MKX: variants seen among roughly 807,000 people sequenced by gnomAD.
MKX encodes homeobox protein Mohawk.
A neutral mutation model predicts 36.0 loss-of-function variants in MKX; 13 were observed. The observed-to-expected ratio is 0.36, with a 90% CI of 0.24 to 0.57. The LOEUF is 0.57. MKX is among the 20% of genes least tolerant of loss of function. The pLI, the probability that MKX is intolerant of heterozygous loss-of-function variation, is 0.79. For synonymous variants in MKX, 176 were observed against 178.3 expected (o/e 0.99, Z 0.10); for missense variants, 458 against 456.4 (o/e 1.00, Z -0.03).
chr10:27,676,077 C>T (rs1470024034), intron 5 of MKX, among the ~76,000 whole-genome samples: 4 of 152,100 alleles, frequency 2.6e-5, no homozygotes, highest in Non-Finnish European at 5.9e-5. Context: ...CGAGACCAGC[C>T]TGCGCTACAT....
intron 5 of MKX, among the ~76,000 whole-genome samples, chr10:27,699,635 G>A (rs2815570): frequency 1.3e-5 from 2 of 152,000 alleles, no homozygotes. Flanking sequence ...AACAAAAAAG[G>A]CTTTCTTATA....
rs1834911966 is a variant in MKX at position 27,742,091 on chromosome 10, T to C, written c.189-587A>G. Among the ~76,000 whole-genome samples the C allele has an allele frequency of 6.6e-6, 1 of 152,144 alleles. No individual in the cohort carries two copies. Among genetic ancestry groups the C allele is most frequent in the Non-Finnish European group, 1.5e-5 (1 of 68,026 alleles). Reference sequence around the variant, plus strand: ...GGAAACTTTCTAAAGGAGTTGGTGGTTTGTGGAGGAAAGCTGCAGAACCCA... The same window carrying C: ...GGAAACTTTCTAAAGGAGTTGGTGGCTTGTGGAGGAAAGCTGCAGAACCCA... On this transcript the variant is annotated intron_variant, in intron 2 of 6. Transcript: ENST00000419761. The surrounding 1 kb of genome is among the most constrained non-coding windows in gnomAD (Gnocchi z 4.2).
chr10:27,694,942 C>T (rs976076482), intron 5 of MKX, among the ~76,000 whole-genome samples: 1 of 151,220 alleles, frequency 6.6e-6, no homozygotes, highest in African/African-American at 2.4e-5. Flanking sequence ...TGCAAGAGTC[C>T]CAAGCTCCTG....
chr10:27,691,627 G>C (rs1220273351), intron 5 of MKX, among the ~76,000 whole-genome samples: 1 of 152,108 alleles, frequency 6.6e-6, no homozygotes, highest in Non-Finnish European at 1.5e-5. Context: ...GTGATGCTGA[G>C]GTTTGGGGTA....
At position 27,737,441 on chromosome 10, in the gene MKX, G is replaced by T. The variant is rs981302803; in HGVS notation, c.349-2067C>A. 5.3e-5 allele frequency among the ~76,000 whole-genome samples: 8 copies of T among 152,060 alleles called. 1 individual carries two copies. The highest frequency in any genetic ancestry group is 1.7e-4 in the African/African-American group (7 of 41,422). ...ACAGTGGAAGAGGGCCTGGCTTCCTGTTCTGAATTTGCCAAAAACATGCTG... is the reference window on the plus strand; with the variant it reads ...ACAGTGGAAGAGGGCCTGGCTTCCTTTTCTGAATTTGCCAAAAACATGCTG... On this transcript the variant is annotated intron_variant, in intron 3 of 6. Transcript: ENST00000419761.
rs761382120 is a variant in MKX, at chr10:27,734,835, TC to T, written c.503-45del. On this transcript the variant is annotated intron_variant, in intron 4 of 6. Transcript: ENST00000419761. ...ACTAAGTAGGGTGGTATGCATACTT[TC>T]CCCCAGCCACCCAACTCTTATATTT... 5 of 1,289,184 alleles carry T rather than the reference TC, an allele frequency of 3.9e-6. No individual in the cohort carries two copies. In the East Asian group the frequency reaches 1.2e-4, roughly 31 times the overall value. The allele number at this position is 1,289,184 out of a possible 1,614,324, so 79.9% of individuals were successfully genotyped here.
rs2815556 is a variant in MKX at position 27,685,319 on chromosome 10, A to G, written c.839-9765T>C. Among the ~76,000 whole-genome samples the G allele has an allele frequency of 9.0e-3, 1,366 of 152,332 alleles. 9 individuals carry two copies. Among genetic ancestry groups the G allele is most frequent in the Middle Eastern group, 0.034 (10 of 294 alleles). ...TTTGCTAGGATATTAGACCACAAAG[A>G]GACCAAAACCAGATTTTTTTCTCCT... On this transcript the variant is annotated intron_variant, in intron 5 of 6. Coordinates refer to ENST00000419761, the MANE Select transcript of MKX (RefSeq NM_173576.3).
intron 5 of MKX, among the ~76,000 whole-genome samples, chr10:27,724,792 C>CACAG (rs1554773421): frequency 7.3e-6 from 1 of 137,918 alleles, no homozygotes; most frequent in Non-Finnish European, 1.5e-5. Flanking sequence ...CACACACACA[C>CACAG]CCCGCAGAAA....
At chr10:27,728,410 A>G (rs768371241) in intron 5 of MKX, among the ~76,000 whole-genome samples, 9 of 152,240 alleles carry the variant, frequency 5.9e-5, no homozygotes, top group Non-Finnish European at 1.0e-4. Flanking sequence ...TCACTGCTCA[A>G]AAAGATCTGC....
intron 3 of MKX, among the ~76,000 whole-genome samples, chr10:27,736,489 C>A (rs1435614226): frequency 2.0e-5 from 3 of 151,912 alleles, no homozygotes; most frequent in African/African-American, 7.3e-5. Context: ...GCAATACTTG[C>A]CTTTAAAAGA....
intron 5 of MKX, among the ~76,000 whole-genome samples, chr10:27,683,313 TAGTCAGTAC>T (rs1291561534): frequency 1.3e-5 from 2 of 152,218 alleles, no homozygotes; most frequent in Non-Finnish European, 2.9e-5. Flanking sequence ...TTGCCTACAG[TAGTCAGTAC>T]AGCAATCTAC....
At chr10:27,678,647 C>T (rs150313636) in intron 5 of MKX, among the ~76,000 whole-genome samples, 1 of 152,242 alleles carries the variant, frequency 6.6e-6, no homozygotes, top group East Asian at 1.9e-4. Flanking sequence ...GTATCAATGC[C>T]ATCAATGCAT....
chr10:27,693,888 A>G (rs1439447683), intron 5 of MKX, among the ~76,000 whole-genome samples: 2 of 152,192 alleles, frequency 1.3e-5, no homozygotes, highest in East Asian at 3.9e-4. Flanking sequence ...ATGTGCAGTG[A>G]GAGGGACCTG....
At chr10:27,701,426 AAT>A (rs1836651592) in intron 5 of MKX, among the ~76,000 whole-genome samples, 1 of 147,036 alleles carries the variant, frequency 6.8e-6, no homozygotes, top group African/African-American at 2.5e-5. Context: ...TACTATAGAT[AAT>A]ATATATAAAA....
intron 5 of MKX, among the ~76,000 whole-genome samples, chr10:27,701,436 A>T (rs2132526663): frequency 6.8e-6 from 1 of 147,016 alleles, no homozygotes; most frequent in East Asian, 2.0e-4. Flanking sequence ...AATATATATA[A>T]AATACATAAG....
rs1232032516 is a variant in MKX, at chr10:27,673,518, TCTAA to T, written c.*1707_*1710del. ...GATTCCAAAGTTTTTATCAGAGATC[TCTAA>T]CTATTTAAGGATGCAAACCAAAAGA... On this transcript the variant is annotated 3_prime_UTR_variant, in exon 7 of 7. Coordinates refer to ENST00000419761, the MANE Select transcript of MKX (RefSeq NM_173576.3). The T allele has an allele frequency of 1.3e-5, 2 of 152,618 alleles. No homozygotes were observed. Among genetic ancestry groups the T allele is most frequent in the Non-Finnish European group, 2.9e-5 (2 of 68,018 alleles). 9.5% of individuals were successfully genotyped at this position (152,618 alleles called of 1,614,324 possible).
intron 5 of MKX, among the ~76,000 whole-genome samples, chr10:27,723,615 G>T (rs1834425766): frequency 6.6e-6 from 1 of 152,162 alleles, no homozygotes; most frequent in Non-Finnish European, 1.5e-5. Flanking sequence ...TTCTGGCTAG[G>T]AATTTTATGT....
intron 5 of MKX, among the ~76,000 whole-genome samples, chr10:27,686,861 C>A (rs919204060): frequency 1.3e-5 from 2 of 152,284 alleles, no homozygotes; most frequent in African/African-American, 4.8e-5. Flanking sequence ...TTCTGCCACC[C>A]CTCATGTGGG....
Position 27,743,222 on chromosome 10 carries a change from G to T in MKX, c.188+6C>A. On this transcript the variant is annotated splice_donor_region_variant and intron_variant, in intron 2 of 6. Coordinates refer to ENST00000419761, the MANE Select transcript of MKX (RefSeq NM_173576.3). ...GCGGGCAGGGCCCCCAGGGGAGTGC[G>T]CATACCCGGTCCTCCGGTGTCTCAG... The T allele has an allele frequency of 6.7e-7, 1 of 1,492,330 alleles. No individual in the cohort carries two copies. The highest frequency in any genetic ancestry group is 8.9e-7 in the Non-Finnish European group (1 of 1,127,544). The allele number at this position is 1,492,330 out of a possible 1,614,324, so 92.4% of individuals were successfully genotyped here.
Sources: gnomAD v4.1 joint callset for allele counts (sites outside exome capture counted in the v4.1 genomes callset) on GRCh38, gnomAD v4.1.1 for gene constraint, Gnocchi (gnomAD v3.1) non-coding constraint, MANE v1.5 for transcripts, NCBI Gene and HGNC (gene_info 2026-07-23, HGNC 2026-07-21) for gene names.